The following FKBP9 variants were observed in gnomAD, a reference collection of about 807,000 sequenced individuals.
The protein encoded by FKBP9 is peptidyl-prolyl cis-trans isomerase FKBP9.
In FKBP9, 27 loss-of-function variants were observed where a neutral mutation model predicts 55.6. That is an observed-to-expected ratio of 0.49 (90% CI 0.36 to 0.67). The LOEUF is 0.67. FKBP9 is among the 30% of genes least tolerant of loss of function. The pLI, the probability that FKBP9 is intolerant of heterozygous loss-of-function variation, is 0.00. For missense variants in FKBP9, 539 were observed against 742.8 expected (o/e 0.73, Z 3.19); for synonymous variants, 267 against 296.5 (o/e 0.90, Z 1.02).
intron 9 of FKBP9, among the ~76,000 whole-genome samples, chr7:33,004,041 G>C (rs1048603178): frequency 6.6e-6 from 1 of 151,966 alleles, no homozygotes; most frequent in Non-Finnish European, 1.5e-5. Context: ...GGCATCACTG[G>C]CCTCCAGTGG....
intron 7 of FKBP9, among the ~76,000 whole-genome samples, chr7:32,999,309 C>T (rs1270459893): frequency 6.6e-6 from 1 of 152,038 alleles, no homozygotes; most frequent in East Asian, 1.9e-4. Flanking sequence ...GGCTTTTCTC[C>T]TTGGAGTAAA....
At position 32,975,246 on chromosome 7, in the gene FKBP9, T is replaced by C; in HGVS notation, c.432T>C (p.Ser144=). 1.9e-6 allele frequency: 3 copies of C among 1,613,856 alleles called. No homozygotes were observed. Among genetic ancestry groups the C allele is most frequent in the South Asian group, 1.1e-5 (1 of 91,072 alleles). ...TACTTCTGATGGATATTTGGAATTCTGAAGACCAGGTTCAGATTCACACCT... is the reference window on the plus strand; with the variant it reads ...TACTTCTGATGGATATTTGGAATTCCGAAGACCAGGTTCAGATTCACACCT... ...FDVLLMDIWN[S]EDQVQIHTYF... Residue 144 remains serine (S), a synonymous_variant, in exon 3 of 10, where the codon TCT becomes TCC. Transcript: ENST00000242209.
chr7:32,990,925 T>C (rs912280084), intron 6 of FKBP9, among the ~76,000 whole-genome samples: 14 of 104,814 alleles, frequency 1.3e-4, no homozygotes, highest in African/African-American at 3.8e-4. Flanking sequence ...AATGGAGAAA[T>C]ATTTTTTTCT....
chr7:32,975,643 T>C (rs1047135948), intron 3 of FKBP9, among the ~76,000 whole-genome samples: 40 of 110,152 alleles, frequency 3.6e-4, no homozygotes, highest in African/African-American at 1.4e-3. Flanking sequence ...TGAAAGGTTC[T>C]ATTTCTTTCT....
chr7:32,986,986 CAA>C (rs1784591688), intron 5 of FKBP9, among the ~76,000 whole-genome samples: 1 of 152,092 alleles, frequency 6.6e-6, no homozygotes, highest in Non-Finnish European at 1.5e-5. Context: ...CTCTTTTTAC[CAA>C]ACTCATGGTA....
At chr7:32,972,398 G>C (rs1456252393) in intron 1 of FKBP9, among the ~76,000 whole-genome samples, 2 of 152,190 alleles carry the variant, frequency 1.3e-5, no homozygotes, top group Non-Finnish European at 2.9e-5. Context: ...AAGCTGCCCT[G>C]AGGGGAGTGG....
chr7:32,997,754 G>A (rs762691972), intron 7 of FKBP9, among the ~76,000 whole-genome samples: 2 of 152,186 alleles, frequency 1.3e-5, no homozygotes, highest in Admixed American at 1.3e-4. Context: ...CTTGAATCTG[G>A]GAGGTAGAGG....
At chr7:32,988,726 T>C in intron 6 of FKBP9, 74 bp downstream of exon 6, 1 of 1,418,200 alleles carries the variant, frequency 7.1e-7, no homozygotes, top group Non-Finnish European at 9.6e-7. Context: ...GGCTTCTTTT[T>C]CTTTTTCTTC....
chr7:32,996,306 C>T lies in FKBP9; in HGVS notation c.1183C>T (p.His395Tyr), dbSNP rs1159659852. The change falls in exon 7 of 10, where the codon CAC (histidine) becomes TAC (tyrosine). Residue 395 changes from histidine (H) to tyrosine (Y), a missense_variant. His to Tyr is a moderately conservative substitution (Grantham distance 83). Coordinates refer to ENST00000242209, the MANE Select transcript of FKBP9 (RefSeq NM_007270.5). ...TAAGAAGGGAGATTACCTCAAATAT[C>T]ACTACAATGCCTCACTTCTGGATGG... ...LSKKGDYLKY[H>Y]YNASLLDGTL... The T allele has an allele frequency of 6.2e-7, 1 of 1,613,984 alleles. No individual in the cohort carries two copies.
chr7:32,988,880 C>A lies in FKBP9; in HGVS notation c.1039+228C>A, dbSNP rs1784628644. The A allele has an allele frequency of 1.3e-4, 59 of 447,116 alleles. No individual in the cohort carries two copies. The South Asian group carries it at 2.0e-3, about 15-fold the overall frequency. The allele number at this position is 447,116 out of a possible 1,614,324, so 27.7% of individuals were successfully genotyped here. On this transcript the variant is annotated intron_variant, in intron 6 of 9. Transcript: ENST00000242209. ...AGTAGCTGGCACTACAGGCACGCAC[C>A]ACCACACCCTGCACAGAACTTCTTG...
chr7:32,995,121 C>T (rs1387990518), intron 6 of FKBP9: 1 of 151,948 alleles, frequency 6.6e-6, no homozygotes, highest in Admixed American at 6.6e-5. Context: ...CAAGTGCTCA[C>T]CACCACGCCC....
intron 6 of FKBP9, among the ~76,000 whole-genome samples, chr7:32,994,223 C>T (rs376353182): frequency 3.3e-5 from 5 of 152,154 alleles, no homozygotes; most frequent in South Asian, 4.1e-4. Context: ...TAACCATTAG[C>T]GGTCACTCTC....
intron 1 of FKBP9, among the ~76,000 whole-genome samples, chr7:32,959,451 T>A (rs1362320751): frequency 6.6e-6 from 1 of 152,130 alleles, no homozygotes; most frequent in Non-Finnish European, 1.5e-5. Context: ...AAAAACAGCT[T>A]TATTGAGATA....
intron 1 of FKBP9, among the ~76,000 whole-genome samples, chr7:32,961,120 A>T (rs868803934): frequency 6.6e-6 from 1 of 152,318 alleles, no homozygotes; most frequent in Middle Eastern, 3.4e-3. Context: ...GAAAGCACAG[A>T]GAAGGTTTAA....
At chr7:32,997,406 G>A (rs1210392064) in intron 7 of FKBP9, among the ~76,000 whole-genome samples, 1 of 151,658 alleles carries the variant, frequency 6.6e-6, no homozygotes. Flanking sequence ...AGAGATGGGG[G>A]GGGTCTCACT....
At chr7:33,003,136 G>A (rs1009416209) in intron 9 of FKBP9, among the ~76,000 whole-genome samples, 1 of 152,218 alleles carries the variant, frequency 6.6e-6, no homozygotes, top group African/African-American at 2.4e-5. Flanking sequence ...TATGTGCTGA[G>A]TGTATTCTCT....
At chr7:32,966,452 TG>T (rs1265516692) in intron 1 of FKBP9, among the ~76,000 whole-genome samples, 1 of 152,086 alleles carries the variant, frequency 6.6e-6, no homozygotes, top group East Asian at 1.9e-4. Context: ...ATGTGCTAGG[TG>T]GTTTCCATTT....
intron 6 of FKBP9, among the ~76,000 whole-genome samples, chr7:32,990,763 T>A (rs1190831257): frequency 2.0e-5 from 3 of 152,262 alleles, no homozygotes; most frequent in Non-Finnish European, 4.4e-5. Flanking sequence ...ATTCTTTTGC[T>A]GATGGAGGCT....
intron 1 of FKBP9, among the ~76,000 whole-genome samples, chr7:32,968,660 C>T (rs1384068863): frequency 5.9e-5 from 9 of 151,824 alleles, no homozygotes; most frequent in Non-Finnish European, 1.3e-4. Flanking sequence ...GCAACCTCTG[C>T]CTCCTAGGTT....
Sources: gnomAD v4.1 joint callset for allele counts (sites outside exome capture counted in the v4.1 genomes callset) on GRCh38, gnomAD v4.1.1 for gene constraint, MANE v1.5 for transcripts, NCBI Gene and HGNC (gene_info 2026-07-23, HGNC 2026-07-21) for gene names.